The following CNTNAP2 variants were observed in gnomAD, a reference collection of about 807,000 sequenced individuals.
CNTNAP2 encodes the protein contactin associated protein 2, also known as contactin-associated protein-like 2.
Under a neutral mutation model 155.2 loss-of-function variants are expected in CNTNAP2, and 98 were observed. The observed-to-expected ratio is 0.63, with a 90% CI of 0.54 to 0.75. The LOEUF (loss-of-function observed/expected upper bound fraction) is 0.75. Ranked by LOEUF, CNTNAP2 falls within the 30% of genes least tolerant of loss-of-function variation. The pLI, the probability that CNTNAP2 is intolerant of heterozygous loss-of-function variation, is 0.00. For synonymous variants in CNTNAP2, 651 were observed against 631.2 expected, an observed-to-expected ratio of 1.03 and a Z score of -0.47; for missense variants, 1,727 against 1,688.1, an observed-to-expected ratio of 1.02 and a Z score of -0.40.
At chr7:148,241,230 T>C (rs556502397) in intron 20 of CNTNAP2, among the ~76,000 whole-genome samples, 104 of 152,262 alleles carry the variant, frequency 6.8e-4, no homozygotes, top group Middle Eastern at 6.8e-3. Context: ...CAAAAAAAAA[T>C]CTAGCATAGT....
At chr7:147,118,806 A>G (rs1801041459) in intron 5 of CNTNAP2, among the ~76,000 whole-genome samples, 2 of 152,206 alleles carry the variant, frequency 1.3e-5, no homozygotes, top group African/African-American at 4.8e-5. Context: ...ACCATTATAT[A>G]TGAAGCCCAT....
intron 3 of CNTNAP2, among the ~76,000 whole-genome samples, chr7:146,986,769 T>A (rs141704382): frequency 6.6e-6 from 1 of 152,198 alleles, no homozygotes; most frequent in Non-Finnish European, 1.5e-5. Context: ...TTATTAGTGA[T>A]GTTGAGCATT....
At chr7:146,439,685 A>C (rs574809662) in intron 1 of CNTNAP2, among the ~76,000 whole-genome samples, 1 of 151,642 alleles carries the variant, frequency 6.6e-6, no homozygotes, top group East Asian at 1.9e-4. Flanking sequence ...TCATATATAT[A>C]TGGGAGCAGA....
chr7:147,679,948 G>A (rs1795922488), intron 13 of CNTNAP2, among the ~76,000 whole-genome samples: 1 of 151,508 alleles, frequency 6.6e-6, no homozygotes, highest in Non-Finnish European at 1.5e-5. Flanking sequence ...ATTCAAATTG[G>A]TCAACTCTGA....
At chr7:146,515,358 C>A (rs1797525445) in intron 1 of CNTNAP2, among the ~76,000 whole-genome samples, 1 of 152,052 alleles carries the variant, frequency 6.6e-6, no homozygotes, top group African/African-American at 2.4e-5. Flanking sequence ...GTGAGGGGAA[C>A]TTTTCTGCAT....
At chr7:147,880,085 C>G (rs1799493063) in intron 13 of CNTNAP2, among the ~76,000 whole-genome samples, 1 of 152,238 alleles carries the variant, frequency 6.6e-6, no homozygotes. Flanking sequence ...AGCGCTCACT[C>G]TGGTCCTCTC....
chr7:146,534,360 G>A (rs1797814814), intron 1 of CNTNAP2, among the ~76,000 whole-genome samples: 1 of 152,046 alleles, frequency 6.6e-6, no homozygotes, highest in South Asian at 2.1e-4. Flanking sequence ...GAGGCTTTAG[G>A]AACACCTGTC....
intron 9 of CNTNAP2, among the ~76,000 whole-genome samples, chr7:147,306,566 C>A (rs973241390): frequency 6.6e-6 from 1 of 152,132 alleles, no homozygotes; most frequent in Non-Finnish European, 1.5e-5. Flanking sequence ...TGTAAAAAAA[C>A]AAAGTGTAAA....
chr7:146,560,015 A>G (rs1214933752), intron 1 of CNTNAP2, among the ~76,000 whole-genome samples: 1 of 152,214 alleles, frequency 6.6e-6, no homozygotes, highest in Non-Finnish European at 1.5e-5. Context: ...ATTATCTTTC[A>G]CCAGTTAAAA....
chr7:146,732,003 T>A (rs1217548946), intron 1 of CNTNAP2, among the ~76,000 whole-genome samples: 1 of 152,114 alleles, frequency 6.6e-6, no homozygotes, highest in Non-Finnish European at 1.5e-5. Flanking sequence ...ACTGCCCAAA[T>A]TACACAATTA....
intron 1 of CNTNAP2, among the ~76,000 whole-genome samples, chr7:146,378,086 A>C (rs1234573546): frequency 6.6e-6 from 1 of 152,136 alleles, no homozygotes; most frequent in Admixed American, 6.5e-5. Context: ...TATATGTCTT[A>C]CTTATCGCCA....
At chr7:146,218,713 C>G (rs1485326313) in intron 1 of CNTNAP2, among the ~76,000 whole-genome samples, 1 of 152,082 alleles carries the variant, frequency 6.6e-6, no homozygotes, top group Non-Finnish European at 1.5e-5. Flanking sequence ...GCTAATTCAA[C>G]TAATGAACTT....
intron 19 of CNTNAP2, among the ~76,000 whole-genome samples, chr7:148,221,094 G>A (rs1018662765): frequency 3.3e-5 from 5 of 151,904 alleles, no homozygotes; most frequent in Admixed American, 2.0e-4. Context: ...CACACCCACC[G>A]CTGCTGTGCC....
intron 1 of CNTNAP2, among the ~76,000 whole-genome samples, chr7:146,730,891 TTTTA>T (rs1801513767): frequency 6.6e-6 from 1 of 152,218 alleles, no homozygotes; most frequent in Non-Finnish European, 1.5e-5. Flanking sequence ...AATCAATTCT[TTTTA>T]TTTTATATGA....
intron 15 of CNTNAP2, among the ~76,000 whole-genome samples, chr7:148,025,071 C>T (rs879561427): frequency 6.6e-6 from 1 of 152,136 alleles, no homozygotes; most frequent in African/African-American, 2.4e-5. Flanking sequence ...GTTTGTAAGT[C>T]TAATGAAAGG....
chr7:147,909,618 C>T (rs979724563), intron 14 of CNTNAP2, among the ~76,000 whole-genome samples: 3 of 152,128 alleles, frequency 2.0e-5, no homozygotes, highest in Non-Finnish European at 4.4e-5. Context: ...TAAATATTCC[C>T]ACCTACAGTG....
At chr7:148,038,524 A>G (rs1802610095) in intron 15 of CNTNAP2, among the ~76,000 whole-genome samples, 1 of 151,982 alleles carries the variant, frequency 6.6e-6, no homozygotes, top group Admixed American at 6.6e-5. Flanking sequence ...TCTCAGTCAC[A>G]CCTTTTTTGC....
At chr7:147,575,094 G>T (rs1584824428) in intron 12 of CNTNAP2, among the ~76,000 whole-genome samples, 1 of 147,072 alleles carries the variant, frequency 6.8e-6, no homozygotes, top group East Asian at 2.0e-4. Context: ...TATTCTCCCG[G>T]TCTTTGTGGG....
At chr7:147,132,598 C>G in intron 8 of CNTNAP2, 89 bp downstream of exon 8, 1 of 1,528,040 alleles carries the variant, frequency 6.5e-7, no homozygotes, top group Non-Finnish European at 9.0e-7. Context: ...GCTGGTGTTA[C>G]ACGCTCAGGA....
Sources: gnomAD v4.1 joint callset for allele counts (sites outside exome capture counted in the v4.1 genomes callset) on GRCh38, gnomAD v4.1.1 for gene constraint, MANE v1.5 for transcripts, NCBI Gene and HGNC (gene_info 2026-07-23, HGNC 2026-07-21) for gene names.